Variants in TMEM131 observed in about 807,000 individuals in gnomAD.
TMEM131 encodes 2610524E03Rik.
In TMEM131, 66 loss-of-function variants were observed where a neutral mutation model predicts 211.6. That is an observed-to-expected ratio of 0.31 (90% CI 0.26 to 0.38). The LOEUF (loss-of-function observed/expected upper bound fraction) is 0.38. TMEM131 is among the 10% of genes least tolerant of loss of function. TMEM131 has a pLI of 1.00. For synonymous variants in TMEM131, 844 were observed against 841.3 expected (o/e 1.00, Z -0.06); for missense variants, 2,036 against 2,299.3 (o/e 0.89, Z 2.34).
intron 22 of TMEM131, 110 bp downstream of exon 22, chr2:97,804,978 T>C (rs1234792465): frequency 1.3e-6 from 1 of 747,128 alleles, no homozygotes; most frequent in Non-Finnish European, 2.0e-6. Context: ...AGGCATTCTT[T>C]CTTAGCTATA....
rs776266263 is a variant in TMEM131 at position 97,860,509 on chromosome 2, G to T, written c.360-1082C>A. On this transcript the variant is annotated intron_variant, in intron 4 of 40. Coordinates refer to ENST00000186436, the MANE Select transcript of TMEM131 (RefSeq NM_015348.2). Reference sequence around the variant, plus strand: ...GCATATAAACCTCAAATCCCAAGCAGTTGAAAACGCAGAGCCAGAACTTCA... The same window carrying T: ...GCATATAAACCTCAAATCCCAAGCATTTGAAAACGCAGAGCCAGAACTTCA... Among the ~76,000 whole-genome samples the T allele has an allele frequency of 1.4e-4, 22 of 152,310 alleles. No individual in the cohort carries two copies. In the South Asian group the frequency reaches 1.4e-3, roughly 10 times the overall value.
At chr2:97,776,768 C>T (rs17489287) in intron 31 of TMEM131, among the ~76,000 whole-genome samples, 37,854 of 152,056 alleles carry the variant, frequency 0.25, 5,193 homozygotes, top group Non-Finnish European at 0.31. Flanking sequence ...CCTTTAGGGG[C>T]GCTAAGAGTC....
chr2:97,774,148 A>C (rs1347306600), intron 32 of TMEM131, among the ~76,000 whole-genome samples: 2 of 152,284 alleles, frequency 1.3e-5, no homozygotes, highest in Admixed American at 1.3e-4. Flanking sequence ...TCCCTGGCTC[A>C]CATATCGTTT....
At chr2:97,850,757 T>C (rs1248215663) in intron 5 of TMEM131, among the ~76,000 whole-genome samples, 1 of 152,168 alleles carries the variant, frequency 6.6e-6, no homozygotes, top group African/African-American at 2.4e-5. Context: ...GTTTTAGAAT[T>C]ATGGTATTCC....
At chr2:97,823,427 T>C (rs546079517) in intron 11 of TMEM131, among the ~76,000 whole-genome samples, 9 of 152,168 alleles carry the variant, frequency 5.9e-5, no homozygotes, top group African/African-American at 1.7e-4. Flanking sequence ...GGGCAAACCT[T>C]TGATCTCACT....
chr2:97,809,466 C>T (rs889530638), intron 19 of TMEM131, among the ~76,000 whole-genome samples: 1 of 152,196 alleles, frequency 6.6e-6, no homozygotes, highest in African/African-American at 2.4e-5. Context: ...CTACATTCCG[C>T]TTTATAGCTC....
intron 7 of TMEM131, among the ~76,000 whole-genome samples, chr2:97,841,579 C>CT (rs1559394412): frequency 6.6e-6 from 1 of 152,066 alleles, no homozygotes; most frequent in Non-Finnish European, 1.5e-5. Context: ...AAGACACAGT[C>CT]GTTTTAAAAA....
chr2:97,772,313 T>C lies in TMEM131; in HGVS notation c.4432A>G (p.Thr1478Ala), dbSNP rs766821095. The C allele has an allele frequency of 5.6e-6, 9 of 1,602,752 alleles. No homozygotes were observed. In the South Asian group the frequency reaches 8.0e-5, roughly 14 times the overall value. The change falls in exon 33 of 41, where the codon ACA becomes GCA. Residue 1478 changes from threonine (T) to alanine (A), a missense_variant. By Grantham distance (58) the Thr-to-Ala change is moderately conservative. Around this residue, in one of 3 missense-constraint regions of TMEM131, gnomAD observed 1,623 missense variants for 1,805.9 expected, o/e 0.90. Coordinates refer to ENST00000186436, the MANE Select transcript of TMEM131 (RefSeq NM_015348.2). ...KLLNIKKEIP[T>A]DVKPSSLELP... The stretch of plus-strand genomic sequence containing the variant: ...TTCTCTCACCTGGGTTTCACATCTG[T>C]TGGGATTTCTTTCTTAATATTTAAG...
intron 35 of TMEM131, chr2:97,763,735 C>T (rs1679001297): frequency 6.6e-6 from 1 of 152,334 alleles, no homozygotes; most frequent in Non-Finnish European, 1.5e-5. Flanking sequence ...TTTGTGTGCG[C>T]TCGATCCTCC....
At chr2:97,939,975 C>T (rs1225717443) in intron 1 of TMEM131, among the ~76,000 whole-genome samples, 1 of 152,146 alleles carries the variant, frequency 6.6e-6, no homozygotes, top group Non-Finnish European at 1.5e-5. Context: ...TTCAACATCC[C>T]TTCATGCTAA....
intron 1 of TMEM131, among the ~76,000 whole-genome samples, chr2:97,936,393 C>T (rs953739445): frequency 6.6e-6 from 1 of 152,198 alleles, no homozygotes; most frequent in Non-Finnish European, 1.5e-5. Flanking sequence ...ACACCTGGGG[C>T]TGACCCCAGG....
intron 4 of TMEM131, among the ~76,000 whole-genome samples, chr2:97,865,001 CT>C (rs971900887): frequency 6.6e-6 from 1 of 152,180 alleles, no homozygotes; most frequent in Non-Finnish European, 1.5e-5. Flanking sequence ...AGGAAGACAC[CT>C]TTGTCCCACG....
chr2:97,825,212 CT>C (rs1334580669), intron 11 of TMEM131, among the ~76,000 whole-genome samples: 1 of 152,180 alleles, frequency 6.6e-6, no homozygotes, highest in African/African-American at 2.4e-5. Context: ...CACTCTGGTC[CT>C]TCAGTATGTG....
At chr2:97,952,175 T>C (rs1430872353) in intron 1 of TMEM131, among the ~76,000 whole-genome samples, 1 of 149,226 alleles carries the variant, frequency 6.7e-6, no homozygotes, top group African/African-American at 2.5e-5. Context: ...AAAAAAAGAA[T>C]TGTTCAGTCT....
At chr2:97,843,014 C>T (rs540248543) in intron 6 of TMEM131, among the ~76,000 whole-genome samples, 2 of 151,194 alleles carry the variant, frequency 1.3e-5, no homozygotes, top group African/African-American at 2.4e-5. Context: ...CTCTGACTGA[C>T]CCTTATTTTA....
chr2:97,775,151 C>A (rs1217749667), intron 32 of TMEM131, among the ~76,000 whole-genome samples: 2 of 152,138 alleles, frequency 1.3e-5, no homozygotes, highest in Non-Finnish European at 2.9e-5. Flanking sequence ...TTCTTGCACA[C>A]CCCATACTAC....
chr2:97,969,777 T>C (rs1679217894), intron 1 of TMEM131, among the ~76,000 whole-genome samples: 1 of 152,268 alleles, frequency 6.6e-6, no homozygotes, highest in Non-Finnish European at 1.5e-5. Context: ...TACAAGTAGC[T>C]GATATCTAAC....
intron 11 of TMEM131, chr2:97,827,674 G>C (rs564447142): frequency 1.1e-6 from 1 of 918,480 alleles, no homozygotes; most frequent in African/African-American, 1.7e-5. Context: ...TTTTAAGAAG[G>C]AGGGAATCCC....
chr2:97,826,387 G>A (rs984617889), intron 11 of TMEM131, among the ~76,000 whole-genome samples: 2 of 152,290 alleles, frequency 1.3e-5, no homozygotes, highest in African/African-American at 4.8e-5. Flanking sequence ...AACCTCTAGG[G>A]GAACCCCCAT....
Sources: allele counts gnomAD v4.1 joint callset (sites outside exome capture counted in the v4.1 genomes callset), GRCh38; gene constraint gnomAD v4.1.1; regional missense constraint gnomAD v4.1.1; transcripts MANE v1.5; gene names NCBI Gene and HGNC (gene_info 2026-07-23, HGNC 2026-07-21).